ZCCHC2: variants seen among roughly 807,000 people sequenced by gnomAD.
ZCCHC2 encodes the protein zinc finger CCHC domain-containing protein 2.
Under a neutral mutation model 103.6 loss-of-function variants are expected in ZCCHC2, and 39 were observed. The ratio of observed to expected loss-of-function variants is 0.38; its 90% CI spans 0.29 to 0.49. The LOEUF (loss-of-function observed/expected upper bound fraction) is 0.49. ZCCHC2 is among the 20% of genes least tolerant of loss of function. ZCCHC2 has a pLI of 0.96. For synonymous variants in ZCCHC2, 687 were observed against 608.9 expected, an observed-to-expected ratio of 1.13 and a Z score of -1.89; for missense variants, 1,483 against 1,491.0, an observed-to-expected ratio of 0.99 and a Z score of 0.09.
chr18:62,533,770 G>A (rs1057053297), intron 1 of ZCCHC2, among the ~76,000 whole-genome samples: 2 of 150,052 alleles, frequency 1.3e-5, no homozygotes, highest in African/African-American at 4.9e-5. Context: ...TACTCCAAAG[G>A]CTAAGGCAGG....
exon 15 of ZCCHC2, chr18:62,585,922 T>G (rs759956223): frequency 6.6e-6 from 1 of 152,168 alleles, no homozygotes; most frequent in Non-Finnish European, 1.5e-5. Context: ...CACAGAATGA[T>G]TGGGTGACGG....
chr18:62,585,196 G>T (rs1255448726), exon 15 of ZCCHC2: 2 of 152,232 alleles, frequency 1.3e-5, no homozygotes, highest in African/African-American at 4.8e-5. Flanking sequence ...AAATTCAAGT[G>T]GCATCAATGC....
chr18:62,546,544 C>G (rs1330592723), intron 4 of ZCCHC2, among the ~76,000 whole-genome samples: 1 of 152,160 alleles, frequency 6.6e-6, no homozygotes, highest in Admixed American at 6.5e-5. Context: ...GGGCGAGTTG[C>G]AGGAGTACAG....
In ZCCHC2 at chr18:62,523,561, C is replaced by CGCG. The variant is rs1478408850; in HGVS notation, c.139_140insGGC (p.Pro46_Pro47insArg). ...CGCCGCGACTGCCGCCCCCCGCCGCCGCCGCCGCCGCCCGCGGGCCCGTCG... is the reference window on the plus strand; with the variant it reads ...CGCCGCGACTGCCGCCCCCCGCCGCCGCGGCCGCCGCCGCCCGCGGGCCCGTCG... On this transcript the variant is annotated inframe_insertion, in exon 1 of 14. Transcript: ENST00000269499. The CGCG allele has an allele frequency of 1.0e-5, 10 of 957,820 alleles. No homozygotes were observed. The highest frequency in any genetic ancestry group is 1.2e-5 in the Non-Finnish European group (10 of 808,728). The allele number at this position is 957,820 out of a possible 1,614,324, so 59.3% of individuals were successfully genotyped here.
chr18:62,567,008 A>G (rs920542631), intron 11 of ZCCHC2, among the ~76,000 whole-genome samples: 2 of 152,238 alleles, frequency 1.3e-5, no homozygotes, highest in African/African-American at 4.8e-5. Context: ...TGTTATGAAA[A>G]TAACAACCTC....
In ZCCHC2 at chr18:62,570,251, A is replaced by G. The variant is rs1485579896; in HGVS notation, c.1975+20A>G. On this transcript the variant is annotated intron_variant, in intron 12 of 13. Coordinates refer to ENST00000269499, the MANE Select transcript of ZCCHC2 (RefSeq NM_017742.6). Reference sequence around the variant, plus strand: ...ACAGAGGTTTGCTCTTTGAAGTGGGAGTATTGTTGGCATGGCAGGGGTGGG... The same window carrying G: ...ACAGAGGTTTGCTCTTTGAAGTGGGGGTATTGTTGGCATGGCAGGGGTGGG... The G allele has an allele frequency of 6.2e-7, 1 of 1,608,848 alleles. No individual in the cohort carries two copies. The highest frequency in any genetic ancestry group is 1.7e-5 in the Admixed American group (1 of 59,338).
chr18:62,561,171 T>C (rs990437356), intron 8 of ZCCHC2, among the ~76,000 whole-genome samples: 1 of 152,198 alleles, frequency 6.6e-6, no homozygotes, highest in Admixed American at 6.5e-5. Flanking sequence ...AACACTTGAG[T>C]ATTTCCTATA....
chr18:62,574,024 G>A (rs79924368), intron 12 of ZCCHC2, 33 bp from the exon 13 acceptor site: 66 of 1,579,232 alleles, frequency 4.2e-5, no homozygotes, highest in Middle Eastern at 1.7e-4. Context: ...AGTTATGCCC[G>A]TGTTAATATC....
In ZCCHC2 at chr18:62,575,318, A is replaced by G; in HGVS notation, c.3237A>G (p.Pro1079=). ...TTCCTTTTTTTCTGCCTCAGACTCC[A>G]TATGCAAATGGACTGGTACATGACC... ...NQLPFFLPQT[P]YANGLVHDPV... is the part of the protein sequence containing the mutation. The change falls in exon 13 of 14, where the codon CCA becomes CCG. Residue 1079 remains proline, a synonymous_variant. Coordinates refer to ENST00000269499, the MANE Select transcript of ZCCHC2 (RefSeq NM_017742.6). 2 of 1,613,916 alleles carry G rather than the reference A, an allele frequency of 1.2e-6. No individual in the cohort carries two copies. Among genetic ancestry groups the G allele is most frequent in the Non-Finnish European group, 1.7e-6 (2 of 1,179,848 alleles).
At chr18:62,552,323 G>A (rs1229555122) in intron 5 of ZCCHC2, 1 of 152,180 alleles carries the variant, frequency 6.6e-6, no homozygotes, top group Non-Finnish European at 1.5e-5. Context: ...AGGTGTCTTT[G>A]ATATGAAAAG....
chr18:62,573,947 G>A lies in ZCCHC2; in HGVS notation c.1976-110G>A, dbSNP rs1916693568. 2.6e-6 allele frequency: 3 copies of A among 1,148,918 alleles called. No homozygotes were observed. The Admixed American group carries it at 8.4e-5, about 32-fold the overall frequency. The allele number at this position is 1,148,918 out of a possible 1,614,324, so 71.2% of individuals were successfully genotyped here. On this transcript the variant is annotated intron_variant, in intron 12 of 13. Transcript: ENST00000269499. The stretch of plus-strand genomic sequence containing the variant: ...AGCTTGGACAGTCAGGAAACATAGA[G>A]GGACACTTTCCAAACTTGAGTTACT...
intron 5 of ZCCHC2, among the ~76,000 whole-genome samples, chr18:62,550,662 C>G (rs554858777): frequency 6.6e-6 from 1 of 152,210 alleles, no homozygotes; most frequent in Non-Finnish European, 1.5e-5. Context: ...CTTCAGTTCT[C>G]TGATATCATA....
rs1217737454 is a variant in ZCCHC2 at position 62,544,794 on chromosome 18, T to A, written c.1129-8T>A. The A allele has an allele frequency of 5.8e-6, 9 of 1,540,340 alleles. No homozygotes were observed. Among genetic ancestry groups the A allele is most frequent in the Non-Finnish European group, 7.9e-6 (9 of 1,144,474 alleles). On this transcript the variant is annotated splice_region_variant and splice_polypyrimidine_tract_variant and intron_variant, in intron 3 of 13. Transcript: ENST00000269499. ...AACCATATAATATGTGTGTTTTTTT[T>A]AAATCAGGTAAATTGGTCTGATCTT...
intron 7 of ZCCHC2, chr18:62,560,298 C>G: frequency 3.8e-6 from 1 of 262,792 alleles, no homozygotes. Context: ...AAAGTTCTAT[C>G]TGAAATTGGA....
intron 11 of ZCCHC2, 43 bp downstream of exon 11, chr18:62,565,139 T>C: frequency 7.2e-7 from 1 of 1,393,538 alleles, no homozygotes; most frequent in Non-Finnish European, 1.0e-6. Flanking sequence ...CACATAAATA[T>C]ATTCAGCATG....
chr18:62,523,603 C>T lies in ZCCHC2; in HGVS notation c.179C>T (p.Pro60Leu). The change falls in exon 1 of 14, where the codon CCG (proline) becomes CTG (leucine). Residue 60 changes from proline to leucine, a missense_variant. This residue lies in a region of ZCCHC2 where 568 missense variants were observed against 525.1 expected (regional missense o/e 1.08). Transcript: ENST00000269499. ...GGCCCGTCGCGGGGCCCTCTGCCGC[C>T]GCCGCCGCCGCCCCGGGGACTCGGG... ...PAGPSRGPLPPPPPPRGLGPP... is the reference protein window; with the variant it reads ...PAGPSRGPLPLPPPPRGLGPP... 1.0e-5 allele frequency: 11 copies of T among 1,091,354 alleles called. No homozygotes were observed. The South Asian group carries it at 4.0e-4, about 40-fold the overall frequency. 67.6% of individuals were successfully genotyped at this position (1,091,354 alleles called of 1,614,324 possible).
At position 62,574,716 on chromosome 18, in the gene ZCCHC2, A is replaced by C; in HGVS notation, c.2635A>C (p.Asn879His). ...TKSASQVVGL[N>H]QMVPQIEGNT... ...ATCTGCATCCCAAGTGGTAGGACTC[A>C]ATCAAATGGTGCCTCAAATTGAGGG... The change falls in exon 13 of 14, where the codon AAT becomes CAT. Residue 879 changes from asparagine (N) to histidine (H), a missense_variant. Transcript: ENST00000269499. 1 of 1,613,966 alleles carries C rather than the reference A, an allele frequency of 6.2e-7. No homozygotes were observed. The highest frequency in any genetic ancestry group is 8.5e-7 in the Non-Finnish European group (1 of 1,179,880).
intron 12 of ZCCHC2, 143 bp downstream of exon 12, chr18:62,570,374 G>A (rs566808774): frequency 1.1e-4 from 113 of 1,063,502 alleles, no homozygotes; most frequent in South Asian, 5.8e-4. Context: ...ATGTAAAGTC[G>A]TTATAAAGGA....
chr18:62,584,209 T>C (rs1256493146), intron 14 of ZCCHC2, among the ~76,000 whole-genome samples: 1 of 152,110 alleles, frequency 6.6e-6, no homozygotes, highest in Admixed American at 6.6e-5. Context: ...TGTGGAAGCT[T>C]TGGAATTGGG....
Sources: allele counts gnomAD v4.1 joint callset (sites outside exome capture counted in the v4.1 genomes callset), GRCh38; gene constraint gnomAD v4.1.1; regional missense constraint gnomAD v4.1.1; transcripts MANE v1.5; gene names NCBI Gene and HGNC (gene_info 2026-07-23, HGNC 2026-07-21).